Variants in DNAH9 observed in about 807,000 individuals in gnomAD.
DNAH9 encodes DNAH9 variant protein.
DNAH9 carries 345 observed loss-of-function variants against 471.6 expected under a neutral mutation model. The ratio of observed to expected loss-of-function variants is 0.73; its 90% CI spans 0.67 to 0.80. DNAH9 has a LOEUF of 0.80. Among genes scored for constraint, DNAH9 ranks in the 30% least tolerant of loss-of-function variants. The probability of loss-of-function intolerance (pLI) is 0.00; values close to 1 mark genes in which losing one functional copy is unlikely to be tolerated. For synonymous variants in DNAH9, 2,093 were observed against 2,123.6 expected (o/e 0.99, Z 0.40); for missense variants, 5,407 against 5,609.2 (o/e 0.96, Z 1.15).
Position 11,932,293 on chromosome 17 carries a change from A to C in DNAH9, c.12297+88A>C. The C allele has an allele frequency of 7.5e-7, 1 of 1,341,738 alleles. No homozygotes were observed. Among genetic ancestry groups the C allele is most frequent in the Non-Finnish European group, 1.0e-6 (1 of 984,144 alleles). The allele number at this position is 1,341,738 out of a possible 1,614,324, so 83.1% of individuals were successfully genotyped here. A position where few individuals can be genotyped will look rare whatever the true frequency, so the allele number is the denominator to read the frequency against. On this transcript the variant is annotated intron_variant, in intron 64 of 68. Transcript: ENST00000262442. This position sits in a 1 kb window ranked among gnomAD's most constrained non-coding sequence, Gnocchi z 4.3. ...GAGGGGTGAATCAGAGGGGTCTAGG[A>C]TGGGGCCTGAGAATGTGCATTTCTA...
chr17:11,960,464 C>CAAAAAAA, intron 67 of DNAH9, among the ~76,000 whole-genome samples: 1 of 86,462 alleles, frequency 1.2e-5, no homozygotes, highest in South Asian at 4.0e-4. Flanking sequence ...AAAAAAAAAT[C>CAAAAAAA]CAAAAGTGGC....
chr17:11,619,412 G>A (rs2072808483), intron 5 of DNAH9, 136 bp from the exon 6 acceptor site: 6 of 657,218 alleles, frequency 9.1e-6, no homozygotes, highest in Non-Finnish European at 1.6e-5. Flanking sequence ...CATGTGGAAT[G>A]GAAAGCGAGG....
chr17:11,752,238 C>T (rs573944908), intron 32 of DNAH9, among the ~76,000 whole-genome samples: 6 of 152,252 alleles, frequency 3.9e-5, no homozygotes, highest in South Asian at 4.1e-4. Context: ...TGGCAAGATT[C>T]GCCAAGACTG....
chr17:11,896,736 T>C (rs997438052), intron 59 of DNAH9, among the ~76,000 whole-genome samples: 11 of 152,196 alleles, frequency 7.2e-5, no homozygotes, highest in Admixed American at 6.5e-4. Flanking sequence ...AAAAGAAATA[T>C]AATGCAAACC....
intron 61 of DNAH9, among the ~76,000 whole-genome samples, chr17:11,910,016 G>A (rs1973740436): frequency 6.6e-6 from 1 of 152,140 alleles, no homozygotes; most frequent in Admixed American, 6.5e-5. Context: ...CAGCACTTTG[G>A]GAGGAGAGGC....
At chr17:11,605,532 T>C (rs2072485262) in intron 1 of DNAH9, among the ~76,000 whole-genome samples, 2 of 152,034 alleles carry the variant, frequency 1.3e-5, no homozygotes, top group Non-Finnish European at 2.9e-5. Context: ...AGGGTCTCAC[T>C]CTGTTGCCCA....
chr17:11,634,264 A>G (rs2073120786), intron 8 of DNAH9, among the ~76,000 whole-genome samples: 1 of 152,090 alleles, frequency 6.6e-6, no homozygotes, highest in Non-Finnish European at 1.5e-5. Context: ...TGGTGATCTC[A>G]CCAACAAGAA....
At chr17:11,914,036 T>A (rs181665100) in intron 61 of DNAH9, among the ~76,000 whole-genome samples, 92 of 152,256 alleles carry the variant, frequency 6.0e-4, no homozygotes, top group African/African-American at 2.1e-3. Context: ...TATATTCTAA[T>A]ATATGTAAAT....
At chr17:11,636,589 T>C (rs2150679736) in intron 8 of DNAH9, 45 bp from the exon 9 acceptor site, 3 of 1,555,584 alleles carry the variant, frequency 1.9e-6, no homozygotes, top group Non-Finnish European at 1.8e-6. Context: ...ATGGAAAGGT[T>C]TAATCTGTGA....
At chr17:11,910,918 GTTCCT>G (rs1271976580) in intron 61 of DNAH9, among the ~76,000 whole-genome samples, 1 of 152,122 alleles carries the variant, frequency 6.6e-6, no homozygotes, top group Non-Finnish European at 1.5e-5. Context: ...TATAAGAAGA[GTTCCT>G]TATAAATTCT....
intron 20 of DNAH9, among the ~76,000 whole-genome samples, chr17:11,691,797 TTTTG>T (rs1240436459): frequency 2.0e-5 from 3 of 152,124 alleles, no homozygotes; most frequent in Non-Finnish European, 4.4e-5. Flanking sequence ...TCTTGTGTTT[TTTTG>T]TTTGTTTTTG....
At chr17:11,792,209 G>A (rs1232417581) in intron 41 of DNAH9, among the ~76,000 whole-genome samples, 1 of 152,150 alleles carries the variant, frequency 6.6e-6, no homozygotes, top group African/African-American at 2.4e-5. Context: ...GGGAGGCGGA[G>A]GTTGCAGTGA....
At chr17:11,723,150 C>T (rs2075091461) in intron 27 of DNAH9, 1 of 152,194 alleles carries the variant, frequency 6.6e-6, no homozygotes, top group Non-Finnish European at 1.5e-5. Flanking sequence ...GTCCTAGTCC[C>T]GTCTCTCTCT....
chr17:11,693,237 C>CTTT lies in DNAH9; in HGVS notation c.4615-608_4615-606dup, dbSNP rs776422086. On this transcript the variant is annotated intron_variant, in intron 20 of 68. Transcript: ENST00000262442. The stretch of plus-strand genomic sequence containing the variant: ...TTATTATTGCTACTTTTAAAATGCC[C>CTTT]TTTTTTTTTTTTTTTTTTTTTTTTT... Among the ~76,000 whole-genome samples, 240 of 77,446 alleles carry CTTT rather than the reference C, an allele frequency of 3.1e-3. 3 individuals are homozygous for CTTT. The highest frequency in any genetic ancestry group is 7.6e-3 in the African/African-American group (136 of 17,828). The allele number at this position is 77,446 out of a possible 152,430, so 50.8% of individuals were successfully genotyped here. A position where few individuals can be genotyped will look rare whatever the true frequency, so the allele number is the denominator to read the frequency against.
Position 11,881,221 on chromosome 17 carries a change from T to G in DNAH9, c.10614T>G (p.Ile3538Met). The G allele has an allele frequency of 6.2e-7, 1 of 1,614,168 alleles. No individual in the cohort carries two copies. The highest frequency in any genetic ancestry group is 1.1e-5 in the South Asian group (1 of 91,080). ...EVIKKGRFIK[I>M]GDKECEYNPK... ...CTTTATGTTCCAGATTCATTAAAAT[T>G]GGAGACAAAGAATGTGAATACAATC... Residue 3538 changes from isoleucine to methionine, a missense_variant, in exon 55 of 69, where the codon ATT (isoleucine) becomes ATG (methionine). Coordinates refer to ENST00000262442, the MANE Select transcript of DNAH9 (RefSeq NM_001372.4).
intron 60 of DNAH9, among the ~76,000 whole-genome samples, chr17:11,903,940 A>G (rs936628285): frequency 4.0e-5 from 6 of 151,814 alleles, no homozygotes; most frequent in African/African-American, 1.5e-4. Context: ...AAGGAAAAAT[A>G]CCAGGGAGAC....
intron 50 of DNAH9, among the ~76,000 whole-genome samples, chr17:11,864,459 G>T (rs1971970200): frequency 6.7e-6 from 1 of 149,902 alleles, no homozygotes; most frequent in Admixed American, 6.6e-5. Flanking sequence ...GTCAATTTTG[G>T]AATAGGTGTG....
At chr17:11,884,708 G>A in intron 56 of DNAH9, 1 of 381,464 alleles carries the variant, frequency 2.6e-6, no homozygotes, top group Non-Finnish European at 5.4e-6. Context: ...CCGAACATTG[G>A]GTCAACAGCA....
chr17:11,829,688 G>A (rs1970622028), intron 48 of DNAH9, among the ~76,000 whole-genome samples: 1 of 152,154 alleles, frequency 6.6e-6, no homozygotes, highest in Non-Finnish European at 1.5e-5. Context: ...GGCCAGGCTG[G>A]TCTCAAACTC....
Sources: allele counts gnomAD v4.1 joint callset (sites outside exome capture counted in the v4.1 genomes callset), GRCh38; gene constraint gnomAD v4.1.1; non-coding constraint Gnocchi (gnomAD v3.1); transcripts MANE v1.5; gene names NCBI Gene and HGNC (gene_info 2026-07-23, HGNC 2026-07-21).